IL1RAPL2: variants seen among roughly 807,000 people sequenced by gnomAD.
IL1RAPL2 encodes X-linked interleukin-1 receptor accessory protein-like 2.
A neutral mutation model predicts 44.1 loss-of-function variants in IL1RAPL2; 3 were observed. The ratio of observed to expected loss-of-function variants is 0.07; its 90% CI spans 0.03 to 0.18. The LOEUF (loss-of-function observed/expected upper bound fraction) is 0.18. Among genes scored for constraint, IL1RAPL2 ranks in the 10% least tolerant of loss-of-function variants. The pLI is 1.00. For synonymous variants in IL1RAPL2, 181 were observed against 178.8 expected, an observed-to-expected ratio of 1.01 and a Z score of -0.10; for missense variants, 391 against 496.4, an observed-to-expected ratio of 0.79 and a Z score of 2.02.
chrX:105,426,887 G>A (rs994895194), intron 5 of IL1RAPL2, among the ~76,000 whole-genome samples: 2 of 111,848 alleles, frequency 1.8e-5, no homozygotes, highest in East Asian at 2.8e-4. Context: ...GGAAAGCCTG[G>A]ATAGTCCCAA....
intron 5 of IL1RAPL2, among the ~76,000 whole-genome samples, chrX:105,413,993 A>T (rs1262495601): frequency 8.9e-6 from 1 of 112,724 alleles, no homozygotes; most frequent in Non-Finnish European, 1.9e-5. Context: ...TAAATAAAAT[A>T]CAATACTAAA....
chrX:105,720,872 C>T (rs1374441613), intron 7 of IL1RAPL2, among the ~76,000 whole-genome samples: 1 of 109,221 alleles, frequency 9.2e-6, no homozygotes, highest in Non-Finnish European at 1.9e-5. Flanking sequence ...TTCCTATATA[C>T]CCCATACCCC....
At chrX:105,695,594 G>C (rs900686522) in intron 6 of IL1RAPL2, among the ~76,000 whole-genome samples, 1 of 111,197 alleles carries the variant, frequency 9.0e-6, no homozygotes, top group Non-Finnish European at 1.9e-5. Context: ...AGAAACTCAT[G>C]GTGTGTTTAG....
chrX:104,776,150 G>T (rs1194870322), intron 2 of IL1RAPL2, among the ~76,000 whole-genome samples: 5 of 112,035 alleles, frequency 4.5e-5, no homozygotes, highest in African/African-American at 1.6e-4. Flanking sequence ...GAGCAATTAT[G>T]ATATATAGGA....
chrX:104,755,696 T>G (rs778817112), intron 2 of IL1RAPL2, among the ~76,000 whole-genome samples: 2 of 110,551 alleles, frequency 1.8e-5, no homozygotes, highest in East Asian at 5.7e-4. Context: ...TTCAAATGTT[T>G]GAAAAAGGCA....
intron 2 of IL1RAPL2, among the ~76,000 whole-genome samples, chrX:105,134,453 A>G (rs781218997): frequency 5.4e-5 from 6 of 111,955 alleles, no homozygotes; most frequent in African/African-American, 1.9e-4. Flanking sequence ...AGTTCTACAG[A>G]TATAGTAAGT....
At chrX:104,862,083 T>C (rs1357932285) in intron 2 of IL1RAPL2, among the ~76,000 whole-genome samples, 4 of 110,672 alleles carry the variant, frequency 3.6e-5, no homozygotes, top group African/African-American at 1.3e-4. Flanking sequence ...CAAGGTACAA[T>C]TTGAAAGTAG....
intron 2 of IL1RAPL2, among the ~76,000 whole-genome samples, chrX:104,769,526 C>G (rs1430642031): frequency 1.8e-5 from 2 of 112,109 alleles, no homozygotes; most frequent in East Asian, 5.6e-4. Flanking sequence ...GTTTTTGTTA[C>G]ATGTAGAAAA....
In IL1RAPL2 at chrX:105,540,063, A is replaced by C. The variant is rs1369989242; in HGVS notation, c.772+55676A>C. On this transcript the variant is annotated intron_variant, in intron 6 of 10. Transcript: ENST00000372582. ...ACAGATGCTGGCAAGGCCACAGAGA[A>C]AAGGGAATGCTTATATACTGTTAGT... is the stretch of plus-strand genomic sequence containing the variant. 9.0e-5 allele frequency among the ~76,000 whole-genome samples: 10 copies of C among 111,587 alleles called. No individual in the cohort carries two copies. The Admixed American group carries it at 9.5e-4, about 11-fold the overall frequency.
At chrX:105,135,892 C>T (rs763955815) in intron 2 of IL1RAPL2, among the ~76,000 whole-genome samples, 19 of 111,665 alleles carry the variant, frequency 1.7e-4, no homozygotes, top group Non-Finnish European at 3.6e-4. Flanking sequence ...TCTACTGAAA[C>T]CTTAAGCAGA....
intron 2 of IL1RAPL2, among the ~76,000 whole-genome samples, chrX:105,099,504 G>A (rs1319819472): frequency 2.5e-5 from 2 of 79,971 alleles, no homozygotes; most frequent in Non-Finnish European, 2.2e-5. Flanking sequence ...TCGCTCTGTC[G>A]CCCAGGCTGG....
chrX:105,720,984 G>A (rs1330516604), intron 7 of IL1RAPL2, among the ~76,000 whole-genome samples: 1 of 110,239 alleles, frequency 9.1e-6, no homozygotes, highest in Non-Finnish European at 1.9e-5. Context: ...AAATATATGT[G>A]CATACAAAGA....
intron 6 of IL1RAPL2, among the ~76,000 whole-genome samples, chrX:105,630,613 C>T (rs1029296690): frequency 9.3e-6 from 1 of 107,883 alleles, no homozygotes; most frequent in Non-Finnish European, 1.9e-5. Flanking sequence ...CGATCTGTGC[C>T]CTTAAAGGTT....
At chrX:104,600,162 AAAT>A (rs1208116005) in intron 1 of IL1RAPL2, among the ~76,000 whole-genome samples, 1 of 112,435 alleles carries the variant, frequency 8.9e-6, no homozygotes, top group East Asian at 2.8e-4. Flanking sequence ...CTACAGGGAT[AAAT>A]AAAATACAAA....
At chrX:105,389,280 T>C (rs1384984729) in intron 5 of IL1RAPL2, among the ~76,000 whole-genome samples, 2 of 112,337 alleles carry the variant, frequency 1.8e-5, no homozygotes, top group East Asian at 5.6e-4. Flanking sequence ...AGTTGGCACT[T>C]AATTTGCCTG....
chrX:105,071,589 C>T (rs1320544585), intron 2 of IL1RAPL2, among the ~76,000 whole-genome samples: 1 of 111,588 alleles, frequency 9.0e-6, no homozygotes, highest in African/African-American at 3.3e-5. Flanking sequence ...AGAACAAAAC[C>T]AGAAGCATCA....
At chrX:104,963,550 T>C (rs1215131027) in intron 2 of IL1RAPL2, among the ~76,000 whole-genome samples, 1 of 111,816 alleles carries the variant, frequency 8.9e-6, no homozygotes, top group African/African-American at 3.3e-5. Context: ...CCCCTGGATC[T>C]TGTTGTGCCC....
At chrX:104,593,884 C>T (rs1426782554) in intron 1 of IL1RAPL2, among the ~76,000 whole-genome samples, 3 of 112,334 alleles carry the variant, frequency 2.7e-5, no homozygotes, top group Non-Finnish European at 5.6e-5. Context: ...TGCTCCCTAG[C>T]GAAGCCTTTT....
chrX:105,163,811 C>G (rs956468780), intron 2 of IL1RAPL2, among the ~76,000 whole-genome samples: 10 of 110,918 alleles, frequency 9.0e-5, no homozygotes, highest in African/African-American at 2.6e-4. Flanking sequence ...TAGGAAGAGA[C>G]TGGCCCAAGG....
Sources: allele counts gnomAD v4.1 joint callset (sites outside exome capture counted in the v4.1 genomes callset), GRCh38; gene constraint gnomAD v4.1.1; transcripts MANE v1.5; gene names NCBI Gene and HGNC (gene_info 2026-07-23, HGNC 2026-07-21).